Variants in PARG observed in about 807,000 individuals in gnomAD.
PARG encodes mitochondrial poly(ADP-ribose) glycohydrolase.
PARG carries 35 observed loss-of-function variants against 113.0 expected under a neutral mutation model. The observed-to-expected ratio is 0.31, with a 90% confidence interval of 0.24 to 0.41. The LOEUF is 0.41. PARG is among the 10% of genes least tolerant of loss of function. The pLI is 1.00. For missense variants in PARG, 797 were observed against 1,169.4 expected (o/e 0.68, Z 4.64); for synonymous variants, 330 against 409.9 (o/e 0.81, Z 2.36).
Position 49,941,769 on chromosome 10 carries a change from G to A in PARG, c.-44C>T, listed in dbSNP as rs1839096699. The stretch of plus-strand genomic sequence containing the variant: ...CTGTCCCCGGGCCGGCCCGGGCGGA[G>A]AGCCTCATTCACTAACCCTGAGAGA... On this transcript the variant is annotated 5_prime_UTR_variant, in exon 1 of 18. Transcript: ENST00000616448. The A allele has an allele frequency of 6.5e-7, 1 of 1,543,070 alleles. No homozygotes were observed. The highest frequency in any genetic ancestry group is 8.7e-7 in the Non-Finnish European group (1 of 1,148,378).
intron 7 of PARG, among the ~76,000 whole-genome samples, chr10:49,900,733 T>C (rs1161568613): frequency 1.3e-5 from 2 of 152,082 alleles, no homozygotes; most frequent in Non-Finnish European, 2.9e-5. Flanking sequence ...AAACCCACAC[T>C]GGCACAAGAC....
chr10:49,936,124 T>C (rs2132991953), intron 1 of PARG, among the ~76,000 whole-genome samples: 1 of 152,112 alleles, frequency 6.6e-6, no homozygotes, highest in East Asian at 1.9e-4. Flanking sequence ...TGAGGGGAGC[T>C]GGAATCTATT....
chr10:49,843,355 C>A (rs1440849431), intron 14 of PARG, among the ~76,000 whole-genome samples, 199 bp downstream of exon 14: 1 of 152,166 alleles, frequency 6.6e-6, no homozygotes, highest in East Asian at 1.9e-4. Flanking sequence ...TTGGTTTTAT[C>A]TTCTCTGTTC....
rs556894237 is a variant in PARG at position 49,886,728 on chromosome 10, G to A, written c.1738-1433C>T. 9.9e-5 allele frequency among the ~76,000 whole-genome samples: 15 copies of A among 152,248 alleles called. No individual in the cohort carries two copies. In the South Asian group the frequency reaches 2.3e-3, roughly 23 times the overall value. On this transcript the variant is annotated intron_variant, in intron 7 of 17. Coordinates refer to ENST00000616448, the MANE Select transcript of PARG (RefSeq NM_003631.5). ...TATGAAAACTATAGTGAGAAAATGC[G>A]GAGGTAGAAATGATGTTTGCATTCA...
At chr10:49,834,701 C>T (rs1554830815) in intron 15 of PARG, among the ~76,000 whole-genome samples, 1 of 151,932 alleles carries the variant, frequency 6.6e-6, no homozygotes, top group Non-Finnish European at 1.5e-5. Flanking sequence ...CCAGCCTGGG[C>T]AATATGGCAA....
intron 7 of PARG, among the ~76,000 whole-genome samples, chr10:49,903,019 G>T (rs1464314973): frequency 6.6e-6 from 1 of 151,840 alleles, no homozygotes; most frequent in African/African-American, 2.4e-5. Context: ...TAGAGACAGG[G>T]TTTCACCATG....
intron 4 of PARG, among the ~76,000 whole-genome samples, chr10:49,925,734 G>A (rs1455211215): frequency 6.6e-6 from 1 of 152,202 alleles, no homozygotes; most frequent in Non-Finnish European, 1.5e-5. Context: ...ACAGAGCAGG[G>A]AGCCCTCTTA....
intron 4 of PARG, among the ~76,000 whole-genome samples, chr10:49,931,776 A>T (rs1441261130): frequency 1.3e-5 from 2 of 152,072 alleles, no homozygotes; most frequent in Non-Finnish European, 2.9e-5. Context: ...TTTAGGGACG[A>T]ATGCAGGATT....
chr10:49,925,793 A>T (rs1177373361), intron 4 of PARG, among the ~76,000 whole-genome samples: 1 of 152,260 alleles, frequency 6.6e-6, no homozygotes, highest in Admixed American at 6.5e-5. Context: ...GAAAATCTCG[A>T]ATCCCTTTGT....
At chr10:49,826,177 C>T (rs1844351014) in intron 16 of PARG, among the ~76,000 whole-genome samples, 1 of 152,048 alleles carries the variant, frequency 6.6e-6, no homozygotes, top group African/African-American at 2.4e-5. Context: ...CATGCCAGAC[C>T]CCATTCTCAG....
Position 49,922,577 on chromosome 10 carries a change from T to C in PARG, c.1548A>G (p.Ser516=). The change falls in exon 5 of 18, where the codon TCA becomes TCG. Residue 516 remains serine (S), a synonymous_variant. Coordinates refer to ENST00000616448, the MANE Select transcript of PARG (RefSeq NM_003631.5). ...WDNKHVKMPC[S]EQNLYPVEDE... ...CTTCCACTGGGTACAAATTTTGTTC[T>C]GAACAAGGCATTTTAACATGCTTGT... The C allele has an allele frequency of 1.9e-6, 3 of 1,610,944 alleles. No individual in the cohort carries two copies. The highest frequency in any genetic ancestry group is 1.1e-5 in the South Asian group (1 of 90,646).
intron 13 of PARG, among the ~76,000 whole-genome samples, chr10:49,851,838 ATCTATACTTAC>A (rs1367757461): frequency 3.7e-4 from 55 of 149,906 alleles, no homozygotes; most frequent in African/African-American, 1.2e-3. Context: ...CTTTCCCTCT[ATCTATACTTAC>A]TGAAAGGTTT....
chr10:49,870,374 G>A lies in PARG; in HGVS notation c.1989-819C>T, dbSNP rs1353489792. Among the ~76,000 whole-genome samples, 586 of 152,060 alleles carry A rather than the reference G, an allele frequency of 3.9e-3. 7 individuals are homozygous for A. The highest frequency in any genetic ancestry group is 0.014 in the African/African-American group (564 of 41,456). ...TGCAGCTTCTAGCCTCCAGAACCATGAGAAAATAAATTTCTGTTGTTTAAG... is the reference window on the plus strand; with the variant it reads ...TGCAGCTTCTAGCCTCCAGAACCATAAGAAAATAAATTTCTGTTGTTTAAG... On this transcript the variant is annotated intron_variant, in intron 9 of 17. Coordinates refer to ENST00000616448, the MANE Select transcript of PARG (RefSeq NM_003631.5).
chr10:49,824,407 G>A (rs1471058780), intron 16 of PARG, among the ~76,000 whole-genome samples: 2 of 152,184 alleles, frequency 1.3e-5, no homozygotes, highest in Non-Finnish European at 2.9e-5. Flanking sequence ...CTGATTCCAA[G>A]TATGATATAA....
chr10:49,939,631 C>G (rs1180775835), intron 1 of PARG, among the ~76,000 whole-genome samples: 4 of 152,122 alleles, frequency 2.6e-5, no homozygotes, highest in Non-Finnish European at 5.9e-5. Flanking sequence ...GTTGAAATTC[C>G]TTAAAATGGA....
chr10:49,903,261 G>A (rs1588966832), intron 7 of PARG, among the ~76,000 whole-genome samples: 1 of 152,048 alleles, frequency 6.6e-6, no homozygotes, highest in African/African-American at 2.4e-5. Context: ...CTGGAGGACA[G>A]AGCAAAGCCC....
In PARG at chr10:49,933,920, G is replaced by C; in HGVS notation, c.528C>G (p.Thr176=). Residue 176 remains threonine, a synonymous_variant, in exon 3 of 18, where the codon ACC becomes ACG. Transcript: ENST00000616448. ...QLLESEPQTV[T]LVPEQFSNAN... is the part of the protein sequence containing the mutation. ...CATTACTAAACTGCTCTGGTACCAGGGTTACTGTTTGAGGTTCACTTTCCA... is the reference window on the plus strand; with the variant it reads ...CATTACTAAACTGCTCTGGTACCAGCGTTACTGTTTGAGGTTCACTTTCCA... 4 of 1,605,032 alleles carry C rather than the reference G, an allele frequency of 2.5e-6. No individual in the cohort carries two copies. The highest frequency in any genetic ancestry group is 3.4e-6 in the Non-Finnish European group (4 of 1,171,886).
At chr10:49,831,779 C>A (rs542127713) in intron 16 of PARG, among the ~76,000 whole-genome samples, 21 of 152,232 alleles carry the variant, frequency 1.4e-4, no homozygotes, top group Admixed American at 6.5e-4. Flanking sequence ...AATAAAACTG[C>A]AGTGGTAAGG....
chr10:49,838,259 C>T (rs1198517664), intron 15 of PARG, among the ~76,000 whole-genome samples: 1 of 151,742 alleles, frequency 6.6e-6, no homozygotes, highest in Non-Finnish European at 1.5e-5. Flanking sequence ...GGAGAAACCC[C>T]GTCTCTAATT....
Sources: gnomAD v4.1 joint callset for allele counts (sites outside exome capture counted in the v4.1 genomes callset) on GRCh38, gnomAD v4.1.1 for gene constraint, MANE v1.5 for transcripts, NCBI Gene and HGNC (gene_info 2026-07-23, HGNC 2026-07-21) for gene names.